The following CPSF1 variants were observed in gnomAD, a reference collection of about 807,000 sequenced individuals.
The protein encoded by CPSF1 is cleavage and polyadenylation specific factor 1.
CPSF1 carries 106 observed loss-of-function variants against 175.8 expected under a neutral mutation model. The ratio of observed to expected loss-of-function variants is 0.60; its 90% CI spans 0.52 to 0.71. The LOEUF (loss-of-function observed/expected upper bound fraction) is 0.71, where lower values mean the gene tolerates loss of function less well. Among genes scored for constraint, CPSF1 ranks in the 30% least tolerant of loss-of-function variants. The pLI is 0.00. For synonymous variants in CPSF1, 1,024 were observed against 858.3 expected, an observed-to-expected ratio of 1.19 and a Z score of -3.37; for missense variants, 1,734 against 2,022.9, an observed-to-expected ratio of 0.86 and a Z score of 2.74.
chr8:144,407,555 C>T (rs1810575977), intron 2 of CPSF1, among the ~76,000 whole-genome samples: 1 of 152,032 alleles, frequency 6.6e-6, no homozygotes, highest in African/African-American at 2.4e-5. Context: ...GGCGTGGTGT[C>T]ACACACCTGT....
rs1554864491 is a variant in CPSF1, at chr8:144,397,672, G to A, written c.2211-11C>T. 6.5e-7 allele frequency: 1 copy of A among 1,546,436 alleles called. No individual in the cohort carries two copies. The highest frequency in any genetic ancestry group is 2.0e-5 in the Admixed American group (1 of 51,272). ...TCATCCACTGTGGGGCTGGGGGCCAGCAGAAGGTCATGGGCGGCCTGCCAG... is the reference window on the plus strand; with the variant it reads ...TCATCCACTGTGGGGCTGGGGGCCAACAGAAGGTCATGGGCGGCCTGCCAG... On this transcript the variant is annotated splice_polypyrimidine_tract_variant and intron_variant, in intron 21 of 37. Coordinates refer to ENST00000616140, the MANE Select transcript of CPSF1 (RefSeq NM_013291.3).
Position 144,399,464 on chromosome 8 carries a change from C to T in CPSF1, c.1282G>A (p.Ala428Thr). The change falls in exon 13 of 38, where the codon GCC becomes ACC. Residue 428 changes from alanine to threonine, a missense_variant. Ala to Thr is a moderately conservative substitution (Grantham distance 58, BLOSUM62 0). Around this residue, in one of 10 missense-constraint regions of CPSF1, gnomAD observed 162 missense variants for 169.5 expected, o/e 0.96. Coordinates refer to ENST00000616140, the MANE Select transcript of CPSF1 (RefSeq NM_013291.3). The surrounding 1 kb of genome is among the most constrained non-coding windows in gnomAD (Gnocchi z 6.4). ...GACCGGCCCTCACCTGACCAGCCGG[C>T]CGTCGCATCCACTCGCTTCTTCTTT... is the stretch of plus-strand genomic sequence containing the variant. Reference protein sequence around the residue: ...PSKKKRVDATAGWSAAGKSVP... With the variant: ...PSKKKRVDATTGWSAAGKSVP... The T allele has an allele frequency of 6.2e-7, 1 of 1,613,044 alleles. No individual in the cohort carries two copies. Among genetic ancestry groups the T allele is most frequent in the South Asian group, 1.1e-5 (1 of 91,054 alleles).
intron 9 of CPSF1, 31 bp downstream of exon 9, chr8:144,400,135 G>GGGGGGGGGGGCCCC: frequency 1.1e-6 from 1 of 896,000 alleles, no homozygotes; most frequent in Non-Finnish European, 1.6e-6. Context: ...CCGTCCCCGG[G>GGGGGGGGGGGCCCC]CCCCCCCCGC....
chr8:144,399,652 A>T lies in CPSF1; in HGVS notation c.1178T>A (p.Leu393His), dbSNP rs2116864921. Residue 393 changes from leucine (L) to histidine (H), a missense_variant, in exon 12 of 38, where the codon CTC (leucine) becomes CAC (histidine). By Grantham distance (99) the Leu-to-His change is moderately conservative. Transcript: ENST00000616140. This position sits in a 1 kb window ranked among gnomAD's most constrained non-coding sequence, Gnocchi z 6.4. ...FLGSRLGNSLLLKYTEKLQEP... is the reference protein window; with the variant it reads ...FLGSRLGNSLHLKYTEKLQEP... ...CTGCAGCTTCTCCGTGTACTTGAGG[A>T]GGAGGGAATTGCCCAGGCGAGAACC... The T allele has an allele frequency of 6.2e-7, 1 of 1,610,786 alleles. No homozygotes were observed. Among genetic ancestry groups the T allele is most frequent in the South Asian group, 1.1e-5 (1 of 90,562 alleles).
At chr8:144,407,364 C>T (rs1405379132) in intron 2 of CPSF1, among the ~76,000 whole-genome samples, 1 of 151,672 alleles carries the variant, frequency 6.6e-6, no homozygotes, top group Non-Finnish European at 1.5e-5. Flanking sequence ...TACACACAGG[C>T]CACTATGCCC....
rs782554495 is a variant in CPSF1 at position 144,396,903 on chromosome 8, G to A, written c.2619C>T (p.Ile873=). 1 of 1,613,684 alleles carries A rather than the reference G, an allele frequency of 6.2e-7. No homozygotes were observed. Among genetic ancestry groups the A allele is most frequent in the Non-Finnish European group, 8.5e-7 (1 of 1,179,826 alleles). Residue 873 remains isoleucine, a synonymous_variant, in exon 24 of 38, where the codon ATC becomes ATT. Coordinates refer to ENST00000616140, the MANE Select transcript of CPSF1 (RefSeq NM_013291.3). ...LLVHVDQELL[I]YEAFPHDSQL... ...GAGAGTCGTGGGGGAAGGCCTCGTA[G>A]ATAAGCAGCTCTTGGTCCACATGCA...
At chr8:144,397,098 C>T (rs1283393516) in intron 23 of CPSF1, 109 bp downstream of exon 23, 26 of 498,234 alleles carry the variant, frequency 5.2e-5, no homozygotes, top group African/African-American at 5.1e-4. Flanking sequence ...CGGGAAGGGG[C>T]GGGGCCGTGG....
In CPSF1 at chr8:144,399,856, G is replaced by A. The variant is rs2116867000; in HGVS notation, c.1044C>T (p.Thr348=). Residue 348 remains threonine (T), a synonymous_variant, in exon 11 of 38, where the codon ACC becomes ACT. Transcript: ENST00000616140. This position sits in a 1 kb window ranked among gnomAD's most constrained non-coding sequence, Gnocchi z 6.4. ...SLKGGEIYVL[T]LITDGMRSVR... ...CACTGCGCATGCCGTCGGTGATGAG[G>A]GTCAGCACGTAGCTGGGGGCAGGGA... The A allele has an allele frequency of 9.6e-6, 15 of 1,554,630 alleles. No individual in the cohort carries two copies. In the South Asian group the frequency reaches 1.5e-4, roughly 16 times the overall value.
At chr8:144,397,032 G>A (rs1308669225) in intron 23 of CPSF1, 103 bp from the exon 24 acceptor site, 12 of 943,898 alleles carry the variant, frequency 1.3e-5, no homozygotes, top group South Asian at 7.6e-5. Flanking sequence ...GGGCTGAGAT[G>A]GGGTGGAGCC....
intron 9 of CPSF1, 31 bp downstream of exon 9, chr8:144,400,135 G>GGGGGCCCC: frequency 5.7e-5 from 51 of 896,332 alleles, no homozygotes; most frequent in Non-Finnish European, 7.1e-5. Context: ...CCGTCCCCGG[G>GGGGGCCCC]CCCCCCCCGC....
In CPSF1 at chr8:144,394,427, C is replaced by T. The variant is rs1403869657; in HGVS notation, c.3696G>A (p.Ser1232=). 4.4e-6 allele frequency: 7 copies of T among 1,608,372 alleles called. No individual in the cohort carries two copies. Among genetic ancestry groups the T allele is most frequent in the East Asian group, 2.2e-5 (1 of 44,712 alleles). The part of the protein sequence containing the change: ...ILAADVMKSI[S]LLRYQEESKT... ...TGCTTTCCTCCTGGTAGCGCAGCAG[C>T]GAAATGCTCTTCATGACGTCGGCTG... The change falls in exon 32 of 38, where the codon TCG becomes TCA. Residue 1232 remains serine (S), a synonymous_variant. Transcript: ENST00000616140.
intron 2 of CPSF1, among the ~76,000 whole-genome samples, chr8:144,406,985 G>A (rs1246428148): frequency 2.6e-5 from 4 of 151,488 alleles, no homozygotes; most frequent in African/African-American, 9.7e-5. Context: ...GTGCAATCTC[G>A]GCTCACTGCA....
intron 2 of CPSF1, among the ~76,000 whole-genome samples, chr8:144,404,216 T>C (rs1341600678): frequency 6.6e-6 from 1 of 151,870 alleles, no homozygotes; most frequent in Non-Finnish European, 1.5e-5. Flanking sequence ...AGAGAGAGAC[T>C]TGGTCTCAAA....
Position 144,400,146 on chromosome 8 carries a change from C to CCCT in CPSF1, c.937+19_937+20insAGG. ...CAAGCCGTCCCCGGGCCCCCCCCGC[C>CCCT]CCAGCCACCCCACACTCACGAAGCG... On this transcript the variant is annotated intron_variant, in intron 9 of 37. Coordinates refer to ENST00000616140, the MANE Select transcript of CPSF1 (RefSeq NM_013291.3). The CCCT allele has an allele frequency of 7.2e-7, 1 of 1,387,294 alleles. No homozygotes were observed. The highest frequency in any genetic ancestry group is 1.3e-5 in the South Asian group (1 of 74,552). 85.9% of individuals were successfully genotyped at this position (1,387,294 alleles called of 1,614,324 possible). A position where few individuals can be genotyped will look rare whatever the true frequency, so the allele number is the denominator to read the frequency against.
In CPSF1 at chr8:144,400,269, C is replaced by T. The variant is rs2116874077; in HGVS notation, c.834G>A (p.Val278=). The stretch of plus-strand genomic sequence containing the variant: ...ACAGCGAGTTGACGGCAAACACCAC[C>T]ACCCCACCTGGAGGTGGACACAGGC... ...ALAVPKPIGG[V]VVFAVNSLLY... The change falls in exon 9 of 38, where the codon GTG becomes GTA. Residue 278 remains valine (V), a synonymous_variant. Transcript: ENST00000616140. The T allele has an allele frequency of 6.2e-7, 1 of 1,603,476 alleles. No individual in the cohort carries two copies. Among genetic ancestry groups the T allele is most frequent in the South Asian group, 1.1e-5 (1 of 90,370 alleles).
Position 144,397,232 on chromosome 8 carries a change from C to T in CPSF1, c.2567G>A (p.Ser856Asn). The T allele has an allele frequency of 6.5e-7, 1 of 1,547,518 alleles. No homozygotes were observed. Among genetic ancestry groups the T allele is most frequent in the Non-Finnish European group, 8.7e-7 (1 of 1,146,312 alleles). ...CAGCAGGTAGGGCCTGCTCTGGCGG[C>T]TGCCCAGCGCCACCAGCAGCACCTC... The part of the protein sequence containing the change: ...VKEVLLVALG[S>N]RQSRPYLLVH... The change falls in exon 23 of 38, where the codon AGC (serine) becomes AAC (asparagine). Residue 856 changes from serine (S) to asparagine (N), a missense_variant. By Grantham distance (46) the Ser-to-Asn change is conservative. This residue lies in a region of CPSF1 where 585 missense variants were observed against 584.7 expected (regional missense o/e 1.00). Coordinates refer to ENST00000616140, the MANE Select transcript of CPSF1 (RefSeq NM_013291.3).
Position 144,399,367 on chromosome 8 carries a change from C to A in CPSF1, c.1301G>T (p.Gly434Val). The A allele has an allele frequency of 6.2e-7, 1 of 1,612,810 alleles. No homozygotes were observed. The highest frequency in any genetic ancestry group is 8.5e-7 in the Non-Finnish European group (1 of 1,179,976). ...CACCTCATCCTGCGGCACCGACTTACCCGCAGCTGCACACAGAGAGCCCAC... is the reference window on the plus strand; with the variant it reads ...CACCTCATCCTGCGGCACCGACTTAACCGCAGCTGCACACAGAGAGCCCAC... ...VDATAGWSAA[G>V]KSVPQDEVDE... Residue 434 changes from glycine (G) to valine (V), a missense_variant, in exon 14 of 38, where the codon GGT becomes GTT. Gly to Val is a moderately radical substitution (Grantham distance 109, BLOSUM62 -3). Transcript: ENST00000616140. The surrounding 1 kb of genome is among the most constrained non-coding windows in gnomAD (Gnocchi z 6.4).
At position 144,409,003 on chromosome 8, in the gene CPSF1, G is replaced by A; in HGVS notation, c.144+12C>T. The A allele has an allele frequency of 6.2e-7, 1 of 1,611,894 alleles. No individual in the cohort carries two copies. On this transcript the variant is annotated intron_variant, in intron 2 of 37. Coordinates refer to ENST00000616140, the MANE Select transcript of CPSF1 (RefSeq NM_013291.3). ...CGCGGACAGCCGGGAGGGCTCCCAG[G>A]GCCCGACCTACCTCGGCGTCGCGGT... is the stretch of plus-strand genomic sequence containing the variant.
intron 2 of CPSF1, among the ~76,000 whole-genome samples, chr8:144,402,455 C>A (rs1554867643): frequency 6.6e-6 from 1 of 152,154 alleles, no homozygotes; most frequent in African/African-American, 2.4e-5. Flanking sequence ...CAGGTGCGTG[C>A]CACCATGTCC....
Sources: allele counts gnomAD v4.1 joint callset (sites outside exome capture counted in the v4.1 genomes callset), GRCh38; gene constraint gnomAD v4.1.1; regional missense constraint gnomAD v4.1.1; non-coding constraint Gnocchi (gnomAD v3.1); transcripts MANE v1.5; gene names NCBI Gene and HGNC (gene_info 2026-07-23, HGNC 2026-07-21).